Variants in RFFL observed in about 807,000 individuals in gnomAD.
The protein encoded by RFFL is E3 ubiquitin-protein ligase rififylin.
RFFL carries 16 observed loss-of-function variants against 40.4 expected under a neutral mutation model. That is an observed-to-expected ratio of 0.40 (90% CI 0.27 to 0.60). The LOEUF (loss-of-function observed/expected upper bound fraction) is 0.60, where lower values mean the gene tolerates loss of function less well. RFFL is among the 20% of genes least tolerant of loss of function. The probability of loss-of-function intolerance (pLI) is 0.47; values close to 1 mark genes in which losing one functional copy is unlikely to be tolerated. For missense variants in RFFL, 367 were observed against 451.7 expected (o/e 0.81, Z 1.70); for synonymous variants, 154 against 167.9 (o/e 0.92, Z 0.64).
chr17:35,066,600 GT>G (rs1410097252), upstream of RFFL, among the ~76,000 whole-genome samples: 1 of 152,018 alleles, frequency 6.6e-6, no homozygotes, highest in Admixed American at 6.5e-5. Context: ...AAATTTTAAA[GT>G]TTGTATCACT....
intron 1 of RFFL, chr17:35,073,902 G>A (rs1483219951): frequency 9.2e-5 from 14 of 152,020 alleles, no homozygotes; most frequent in Non-Finnish European, 1.9e-4. Context: ...CATCAAAAAC[G>A]TTTACAATTT....
intron 1 of RFFL, chr17:35,088,908 C>G (rs1482691976): frequency 6.6e-6 from 1 of 152,430 alleles, no homozygotes; most frequent in Non-Finnish European, 1.5e-5. Flanking sequence ...CAGGTGTGGG[C>G]TGCCCTGAAG....
intron 1 of RFFL, among the ~76,000 whole-genome samples, chr17:35,058,588 T>G (rs2091273513): frequency 6.6e-6 from 1 of 152,076 alleles, no homozygotes; most frequent in Admixed American, 6.6e-5. Context: ...CTGACCAACA[T>G]GGTGAAACCC....
chr17:35,084,756 T>C (rs1177806944), intron 1 of RFFL, among the ~76,000 whole-genome samples: 3 of 144,246 alleles, frequency 2.1e-5, no homozygotes, highest in Admixed American at 6.9e-5. Flanking sequence ...ATTAGCTGGG[T>C]GTGGTGGTGG....
intron 1 of RFFL, among the ~76,000 whole-genome samples, chr17:35,080,286 T>C (rs1050040778): frequency 7.2e-5 from 11 of 151,958 alleles, no homozygotes; most frequent in African/African-American, 2.7e-4. Context: ...TAGAAGAGGG[T>C]TGGAAGTTGA....
chr17:35,020,219 T>A (rs998819000), intron 3 of RFFL, among the ~76,000 whole-genome samples: 8 of 152,068 alleles, frequency 5.3e-5, no homozygotes, highest in Admixed American at 2.0e-4. Flanking sequence ...ATCTTGTAGT[T>A]CCTAATTCCC....
At chr17:35,083,209 G>A (rs2091410868) in intron 1 of RFFL, among the ~76,000 whole-genome samples, 1 of 152,168 alleles carries the variant, frequency 6.6e-6, no homozygotes, top group Non-Finnish European at 1.5e-5. Context: ...CAGACCTCTA[G>A]TTGTTTCCAC....
At chr17:35,076,321 G>A (rs1385730395) in intron 1 of RFFL, among the ~76,000 whole-genome samples, 1 of 151,928 alleles carries the variant, frequency 6.6e-6, no homozygotes, top group Non-Finnish European at 1.5e-5. Context: ...TATATTAAAG[G>A]TTGGCTACTG....
In RFFL at chr17:35,010,475, T is replaced by A. The variant is rs936418203; in HGVS notation, c.*1493A>T. ...GAGCCTAGAAAATGGTTTCTCCTGC[T>A]GGGTGTGGTGGCTCACGCCTGTAAT... On this transcript the variant is annotated 3_prime_UTR_variant, in exon 7 of 7. Coordinates refer to ENST00000394597, the MANE Select transcript of RFFL (RefSeq NM_001017368.2). 6.6e-6 allele frequency: 1 copy of A among 152,158 alleles called. No homozygotes were observed. Among genetic ancestry groups the A allele is most frequent in the Non-Finnish European group, 1.5e-5 (1 of 68,072 alleles). 9.4% of individuals were successfully genotyped at this position (152,158 alleles called of 1,614,324 possible).
At chr17:35,024,262 A>G (rs1020953848) in intron 2 of RFFL, among the ~76,000 whole-genome samples, 1 of 152,156 alleles carries the variant, frequency 6.6e-6, no homozygotes, top group Admixed American at 6.5e-5. Flanking sequence ...TATGGGAAGT[A>G]TTACATGAGA....
chr17:35,050,785 C>T (rs538952042), intron 1 of RFFL, among the ~76,000 whole-genome samples: 1 of 152,254 alleles, frequency 6.6e-6, no homozygotes, highest in African/African-American at 2.4e-5. Context: ...CCAGCCTGAC[C>T]AACATGTAGA....
intron 1 of RFFL, among the ~76,000 whole-genome samples, chr17:35,054,151 C>A (rs1274531853): frequency 1.3e-5 from 2 of 152,174 alleles, no homozygotes; most frequent in Non-Finnish European, 2.9e-5. Context: ...ACCTTCCACC[C>A]CTGTCATACC....
intron 1 of RFFL, among the ~76,000 whole-genome samples, chr17:35,070,854 A>G (rs983328078): frequency 2.6e-5 from 4 of 152,228 alleles, no homozygotes; most frequent in African/African-American, 9.6e-5. Context: ...TTTACTAAGT[A>G]ATCTGATGAA....
chr17:35,042,002 G>A (rs552209898), intron 1 of RFFL, among the ~76,000 whole-genome samples: 4 of 152,150 alleles, frequency 2.6e-5, no homozygotes, highest in Non-Finnish European at 5.9e-5. Flanking sequence ...GCCACAGAGC[G>A]AGACTCCATC....
At chr17:35,019,693 G>T (rs2090996346) in intron 3 of RFFL, among the ~76,000 whole-genome samples, 1 of 151,290 alleles carries the variant, frequency 6.6e-6, no homozygotes, top group Admixed American at 6.6e-5. Flanking sequence ...TACAGAAAAA[G>T]AATTCCTCAA....
Position 35,039,217 on chromosome 17 carries a change from AT to A in RFFL, c.-8-12657del, listed in dbSNP as rs538129578. On this transcript the variant is annotated intron_variant, in intron 1 of 6. Transcript: ENST00000394597. ...CCCCTGCACCCAGCCCATATGACAG[AT>A]TTTTTTCTTTTCTTTTTTTTGAGAC... Among the ~76,000 whole-genome samples, 7 of 148,290 alleles carry A rather than the reference AT, an allele frequency of 4.7e-5. No homozygotes were observed. In the South Asian group the frequency reaches 1.5e-3, roughly 32 times the overall value.
At chr17:35,045,601 G>C (rs2091194281) in intron 1 of RFFL, among the ~76,000 whole-genome samples, 1 of 152,106 alleles carries the variant, frequency 6.6e-6, no homozygotes, top group Non-Finnish European at 1.5e-5. Flanking sequence ...GGAAACAAGA[G>C]TAGGTCTATT....
chr17:35,032,792 A>G (rs1434140644), intron 1 of RFFL, among the ~76,000 whole-genome samples: 3 of 152,072 alleles, frequency 2.0e-5, no homozygotes, highest in Admixed American at 1.3e-4. Context: ...CCCACAGCAG[A>G]AAAGAGGAAA....
intron 1 of RFFL, among the ~76,000 whole-genome samples, chr17:35,073,143 T>C (rs1478228829): frequency 2.6e-5 from 4 of 152,338 alleles, no homozygotes; most frequent in African/African-American, 4.8e-5. Flanking sequence ...TCATACTATT[T>C]TGCAGTCTCT....
Sources: gnomAD v4.1 joint callset for allele counts (sites outside exome capture counted in the v4.1 genomes callset) on GRCh38, gnomAD v4.1.1 for gene constraint, MANE v1.5 for transcripts, NCBI Gene and HGNC (gene_info 2026-07-23, HGNC 2026-07-21) for gene names.